The following CHD7 variants were observed in gnomAD, a reference collection of about 807,000 sequenced individuals.
CHD7 encodes the protein ATP-dependent chromatin remodeler CHD7.
CHD7 carries 24 observed loss-of-function variants against 307.3 expected under a neutral mutation model. The observed-to-expected ratio is 0.08, with a 90% CI of 0.06 to 0.11. CHD7 has a LOEUF of 0.11. CHD7 is among the 10% of genes least tolerant of loss of function. The pLI, the probability that CHD7 is intolerant of heterozygous loss-of-function variation, is 1.00. For synonymous variants in CHD7, 1,363 were observed against 1,349.9 expected (o/e 1.01, Z -0.21); for missense variants, 3,106 against 3,727.1 (o/e 0.83, Z 4.34).
intron 7 of CHD7, among the ~76,000 whole-genome samples, chr8:60,813,840 A>AT (rs1421614717): frequency 6.6e-6 from 1 of 151,280 alleles, no homozygotes; most frequent in Non-Finnish European, 1.5e-5. Flanking sequence ...ATTTATAAGT[A>AT]TTATAAATAT....
At chr8:60,682,502 G>C (rs139241582) in intron 1 of CHD7, among the ~76,000 whole-genome samples, 2 of 152,218 alleles carry the variant, frequency 1.3e-5, no homozygotes, top group African/African-American at 2.4e-5. Context: ...TGCCAAGTTA[G>C]TGTAGTTCTT....
chr8:60,759,829 G>T (rs1467476031), intron 2 of CHD7, among the ~76,000 whole-genome samples: 2 of 152,180 alleles, frequency 1.3e-5, no homozygotes, highest in African/African-American at 4.8e-5. Context: ...AGCTATGTAG[G>T]GTGAGTCTTG....
intron 1 of CHD7, among the ~76,000 whole-genome samples, chr8:60,698,701 A>G (rs1038248909): frequency 4.6e-5 from 7 of 152,234 alleles, no homozygotes; most frequent in Non-Finnish European, 1.0e-4. Context: ...GTTTCTTAGT[A>G]AAGAGAACAT....
rs2150669341 is a variant in CHD7, at chr8:60,781,118, A to T, written c.1784A>T (p.Gln595Leu). Reference sequence around the variant, plus strand: ...CTGCCATCAATAGAACAGCAGCCACAACAAAAGAAGAAGAAAAAGAAAAAC... The same window carrying T: ...CTGCCATCAATAGAACAGCAGCCACTACAAAAGAAGAAGAAAAAGAAAAAC... Reference protein sequence around the residue: ...DYLPSIEQQPQQKKKKKKNNH... With the variant: ...DYLPSIEQQPLQKKKKKKNNH... The change falls in exon 3 of 38, where the codon CAA (glutamine) becomes CTA (leucine). Residue 595 changes from glutamine (Q) to leucine (L), a missense_variant. Physicochemically the swap from Gln to Leu is moderately radical, Grantham distance 113. Around this residue, in one of 10 missense-constraint regions of CHD7, gnomAD observed 998 missense variants for 1,004.5 expected, o/e 0.99. Coordinates refer to ENST00000423902, the MANE Select transcript of CHD7 (RefSeq NM_017780.4). The T allele has an allele frequency of 6.2e-7, 1 of 1,611,182 alleles. No homozygotes were observed. The highest frequency in any genetic ancestry group is 8.5e-7 in the Non-Finnish European group (1 of 1,178,582).
At chr8:60,819,344 A>G (rs1373582769) in intron 8 of CHD7, among the ~76,000 whole-genome samples, 1 of 152,186 alleles carries the variant, frequency 6.6e-6, no homozygotes, top group Non-Finnish European at 1.5e-5. Flanking sequence ...ATTGTTTAAT[A>G]TATTGGTTAA....
rs150334405 is a variant in CHD7, at chr8:60,685,407, C to A, written c.-175+6325C>A. Among the ~76,000 whole-genome samples the A allele has an allele frequency of 1.0e-3, 152 of 152,298 alleles. 1 individual carries two copies. The highest frequency in any genetic ancestry group is 1.8e-3 in the Non-Finnish European group (123 of 68,022). Reference sequence around the variant, plus strand: ...GCTCATTCCAGGTTGAGCGTAGAATCCTGTGGTAACCAGACCTTGGCACAT... The same window carrying A: ...GCTCATTCCAGGTTGAGCGTAGAATACTGTGGTAACCAGACCTTGGCACAT... On this transcript the variant is annotated intron_variant, in intron 1 of 37. Coordinates refer to ENST00000423902, the MANE Select transcript of CHD7 (RefSeq NM_017780.4).
At chr8:60,720,927 G>A (rs1396127055) in intron 1 of CHD7, among the ~76,000 whole-genome samples, 1 of 152,180 alleles carries the variant, frequency 6.6e-6, no homozygotes, top group Non-Finnish European at 1.5e-5. Context: ...TTTTCTATGG[G>A]AGTCCCTTAG....
intron 1 of CHD7, among the ~76,000 whole-genome samples, chr8:60,723,589 A>C (rs1452619636): frequency 6.6e-6 from 1 of 152,238 alleles, no homozygotes. Flanking sequence ...CAAAAAACCT[A>C]ATATAGTTGA....
chr8:60,701,689 T>G (rs988508292), intron 1 of CHD7, among the ~76,000 whole-genome samples: 1 of 152,224 alleles, frequency 6.6e-6, no homozygotes, highest in African/African-American at 2.4e-5. Flanking sequence ...TTTGGAAAGG[T>G]AGGTTTGGGT....
At chr8:60,827,740 G>A (rs1804316859) in intron 13 of CHD7, among the ~76,000 whole-genome samples, 1 of 151,790 alleles carries the variant, frequency 6.6e-6, no homozygotes, top group Non-Finnish European at 1.5e-5. Flanking sequence ...AAGAAAATTA[G>A]CATGTTCTTA....
At chr8:60,850,700 C>A in intron 26 of CHD7, 78 bp downstream of exon 26, 1 of 1,395,922 alleles carries the variant, frequency 7.2e-7, no homozygotes, top group Non-Finnish European at 9.9e-7. Context: ...TCTTACCCTG[C>A]AGTACACACT....
intron 15 of CHD7, among the ~76,000 whole-genome samples, chr8:60,833,587 G>A (rs1804617476): frequency 6.6e-6 from 1 of 152,142 alleles, no homozygotes; most frequent in Admixed American, 6.5e-5. Context: ...AGAGGACATT[G>A]CAGTTACTGT....
intron 2 of CHD7, among the ~76,000 whole-genome samples, chr8:60,766,682 A>G (rs947624403): frequency 2.6e-5 from 4 of 152,202 alleles, no homozygotes; most frequent in Non-Finnish European, 4.4e-5. Context: ...GACTAAGTGA[A>G]GGGTCAAGGG....
chr8:60,833,021 C>T (rs185628757), intron 15 of CHD7, among the ~76,000 whole-genome samples: 178 of 152,260 alleles, frequency 1.2e-3, no homozygotes, highest in Non-Finnish European at 1.9e-3. Flanking sequence ...TAAGCGCACG[C>T]AGCTGCCCAG....
At chr8:60,828,840 A>G (rs1364308258) in intron 14 of CHD7, 34 bp downstream of exon 14, 2 of 1,590,644 alleles carry the variant, frequency 1.3e-6, no homozygotes, top group Non-Finnish European at 1.7e-6. Flanking sequence ...TTTCAGTTAT[A>G]AAATTGAAGA....
chr8:60,841,621 A>G (rs558793306), intron 19 of CHD7, 23 bp from the exon 20 acceptor site: 5 of 1,571,254 alleles, frequency 3.2e-6, no homozygotes, highest in South Asian at 2.2e-5. Context: ...TCTCAAAGTA[A>G]TGCGTTTCTT....
intron 14 of CHD7, among the ~76,000 whole-genome samples, chr8:60,829,811 A>C (rs1211212443): frequency 6.6e-6 from 1 of 152,190 alleles, no homozygotes; most frequent in African/African-American, 2.4e-5. Context: ...CTTTTCTAAA[A>C]TAAAAACTGT....
Position 60,729,686 on chromosome 8 carries a change from C to T in CHD7, c.-174-11573C>T, listed in dbSNP as rs563292077. 1.8e-3 allele frequency among the ~76,000 whole-genome samples: 270 copies of T among 152,238 alleles called. 1 individual carries two copies. Among genetic ancestry groups the T allele is most frequent in the African/African-American group, 6.0e-3 (250 of 41,554 alleles). On this transcript the variant is annotated intron_variant, in intron 1 of 37. Coordinates refer to ENST00000423902, the MANE Select transcript of CHD7 (RefSeq NM_017780.4). ...CTTTGATTAAACCAAGCACAAAATT[C>T]GAAGCTTCATAGGTAAACTTAAATT...
At chr8:60,779,331 A>ACCTGTGAG (rs1811094648) in intron 2 of CHD7, among the ~76,000 whole-genome samples, 2 of 152,178 alleles carry the variant, frequency 1.3e-5, no homozygotes. Context: ...ATTGAGTGAA[A>ACCTGTGAG]CCTGTGAGCC....
Sources: allele counts gnomAD v4.1 joint callset (sites outside exome capture counted in the v4.1 genomes callset), GRCh38; gene constraint gnomAD v4.1.1; regional missense constraint gnomAD v4.1.1; transcripts MANE v1.5; gene names NCBI Gene and HGNC (gene_info 2026-07-23, HGNC 2026-07-21).